The following CBLL1 variants were observed in gnomAD, a reference collection of about 807,000 sequenced individuals.
The protein encoded by CBLL1 is Cbl proto-oncogene like 1, also known as E3 ubiquitin-protein ligase Hakai.
A neutral mutation model predicts 44.9 loss-of-function variants in CBLL1; 4 were observed. That is an observed-to-expected ratio of 0.09 (90% confidence interval 0.04 to 0.20). CBLL1 has a LOEUF of 0.20. Among genes scored for constraint, CBLL1 ranks in the 10% least tolerant of loss-of-function variants. CBLL1 has a pLI of 1.00. For missense variants in CBLL1, 569 were observed against 636.7 expected, an observed-to-expected ratio of 0.89 and a Z score of 1.14; for synonymous variants, 235 against 202.2, an observed-to-expected ratio of 1.16 and a Z score of -1.38.
At chr7:107,753,593 G>A (rs1793402282) in intron 3 of CBLL1, 82 bp downstream of exon 3, 9 of 716,620 alleles carry the variant, frequency 1.3e-5, no homozygotes, top group Non-Finnish European at 1.8e-5. Flanking sequence ...TTGGAGTAAT[G>A]CACAGTACAT....
Position 107,749,013 on chromosome 7 carries a change from C to T in CBLL1, c.147C>T (p.Asn49=), listed in dbSNP as rs760522461. The change falls in exon 2 of 6, where the codon AAC becomes AAT. Residue 49 remains asparagine, a synonymous_variant. Coordinates refer to ENST00000440859, the MANE Select transcript of CBLL1 (RefSeq NM_024814.4). ...KPAPRTQRTI[N]RMPAKAPPGD... Reference sequence around the variant, plus strand: ...CACCGCGAACTCAAAGAACTATAAACAGGATGCCTGCAAAGGCTCCACCTG... The same window carrying T: ...CACCGCGAACTCAAAGAACTATAAATAGGATGCCTGCAAAGGCTCCACCTG... 3 of 1,614,146 alleles carry T rather than the reference C, an allele frequency of 1.9e-6. No individual in the cohort carries two copies. Among genetic ancestry groups the T allele is most frequent in the Admixed American group, 1.7e-5 (1 of 60,020 alleles).
At chr7:107,751,799 C>A (rs1793303132) in intron 2 of CBLL1, among the ~76,000 whole-genome samples, 1 of 152,078 alleles carries the variant, frequency 6.6e-6, no homozygotes, top group Non-Finnish European at 1.5e-5. Flanking sequence ...AGGCATCAAT[C>A]AAAATATATA....
chr7:107,759,097 A>T lies in CBLL1; in HGVS notation c.1395A>T (p.Arg465=). 1.2e-6 allele frequency: 2 copies of T among 1,614,034 alleles called. No individual in the cohort carries two copies. The highest frequency in any genetic ancestry group is 2.2e-5 in the South Asian group (2 of 91,070). The change falls in exon 6 of 6, where the codon CGA becomes CGT. Residue 465 remains arginine (R), a synonymous_variant. Transcript: ENST00000440859. Reference sequence around the variant, plus strand: ...CAAGAGGGCCACCACCACCTCCACGATTGCAGGGTCCGCCTTCTCAAACCC... The same window carrying T: ...CAAGAGGGCCACCACCACCTCCACGTTTGCAGGGTCCGCCTTCTCAAACCC... ...PAPRGPPPPP[R]LQGPPSQTPL...
chr7:107,744,274 A>G, intron 1 of CBLL1, 98 bp downstream of exon 1: 1 of 1,332,470 alleles, frequency 7.5e-7, no homozygotes, highest in Non-Finnish European at 1.0e-6. Context: ...CTCGCCCCAC[A>G]ACACTAGGGT....
chr7:107,748,348 T>G (rs1054653338), intron 1 of CBLL1, among the ~76,000 whole-genome samples: 3 of 152,242 alleles, frequency 2.0e-5, no homozygotes, highest in Non-Finnish European at 4.4e-5. Flanking sequence ...ATAATTATTT[T>G]GCGCTTAAGG....
In CBLL1 at chr7:107,758,478, A is replaced by G. The variant is rs368343198; in HGVS notation, c.776A>G (p.Asp259Gly). The G allele has an allele frequency of 1.2e-6, 2 of 1,614,000 alleles. No individual in the cohort carries two copies. The highest frequency in any genetic ancestry group is 1.7e-5 in the Admixed American group (1 of 59,988). The change falls in exon 6 of 6, where the codon GAT becomes GGT. Residue 259 changes from aspartate (D) to glycine (G), a missense_variant. By Grantham distance (94) the Asp-to-Gly change is moderately conservative. Around this residue, in one of 5 missense-constraint regions of CBLL1, gnomAD observed 111 missense variants for 113.0 expected, o/e 0.98. Coordinates refer to ENST00000440859, the MANE Select transcript of CBLL1 (RefSeq NM_024814.4). This position sits in a 1 kb window ranked among gnomAD's most constrained non-coding sequence, Gnocchi z 4.2. ...PHEHYNQPHEDIRAPPAELSM... is the reference protein window; with the variant it reads ...PHEHYNQPHEGIRAPPAELSM... ...GAGCACTATAATCAGCCACATGAGG[A>G]TATTCGTGCTCCTCCAGCAGAATTG...
chr7:107,753,820 A>G (rs569705742), intron 3 of CBLL1, 75 bp from the exon 4 acceptor site: 12 of 905,004 alleles, frequency 1.3e-5, no homozygotes, highest in Non-Finnish European at 2.0e-5. Context: ...TTTATAAAAT[A>G]TTGACCAATT....
At chr7:107,748,089 TC>T (rs1349831087) in intron 1 of CBLL1, among the ~76,000 whole-genome samples, 2 of 152,198 alleles carry the variant, frequency 1.3e-5, no homozygotes, top group Non-Finnish European at 2.9e-5. Flanking sequence ...GAAATAATAC[TC>T]CTGTTACTCA....
intron 2 of CBLL1, among the ~76,000 whole-genome samples, chr7:107,751,900 T>C (rs1347185086): frequency 6.6e-6 from 1 of 152,048 alleles, no homozygotes; most frequent in African/African-American, 2.4e-5. Context: ...AATTTTCTGG[T>C]TTGAAAAATT....
Position 107,759,296 on chromosome 7 carries a change from T to C in CBLL1, c.*118T>C. On this transcript the variant is annotated 3_prime_UTR_variant, in exon 6 of 6. Coordinates refer to ENST00000440859, the MANE Select transcript of CBLL1 (RefSeq NM_024814.4). ...TCTTATCGAGGTAGTATAAAACACA[T>C]AGGGTCTTGTTTCTTAAAATGGTTT... The C allele has an allele frequency of 1.2e-6, 1 of 830,862 alleles. No individual in the cohort carries two copies. Among genetic ancestry groups the C allele is most frequent in the Non-Finnish European group, 1.9e-6 (1 of 538,256 alleles). The allele number at this position is 830,862 out of a possible 1,614,324, so 51.5% of individuals were successfully genotyped here. A position where few individuals can be genotyped will look rare whatever the true frequency, so the allele number is the denominator to read the frequency against.
chr7:107,745,039 T>C (rs568773555), intron 1 of CBLL1, among the ~76,000 whole-genome samples: 27 of 152,294 alleles, frequency 1.8e-4, no homozygotes, highest in South Asian at 1.2e-3. Context: ...ATTAGGTGTG[T>C]ATGTTTATTT....
At chr7:107,748,308 T>G (rs1045915019) in intron 1 of CBLL1, among the ~76,000 whole-genome samples, 2 of 152,222 alleles carry the variant, frequency 1.3e-5, no homozygotes, top group Non-Finnish European at 2.9e-5. Flanking sequence ...GGTATAATGA[T>G]TTTTACTATA....
rs1208077277 is a variant in CBLL1 at position 107,744,193 on chromosome 7, A to G, written c.13+17A>G. On this transcript the variant is annotated intron_variant, in intron 1 of 5. Transcript: ENST00000440859. ...ATCACACTGGTAAGGAGGCGGAGGC[A>G]GTGGGGGTCCCGGTTCCAAGCCCCC... is the stretch of plus-strand genomic sequence containing the variant. 4 of 1,547,322 alleles carry G rather than the reference A, an allele frequency of 2.6e-6. No homozygotes were observed. Among genetic ancestry groups the G allele is most frequent in the African/African-American group, 2.7e-5 (2 of 73,088 alleles).
At position 107,760,937 on chromosome 7, in the gene CBLL1, T is replaced by G. The variant is rs1469056802; in HGVS notation, c.*1759T>G. ...TAAGTCAGGCAAGTGATTTTCTACA[T>G]TTAGCAGTTTGAAAGTCCAGTGTTA... On this transcript the variant is annotated 3_prime_UTR_variant, in exon 6 of 6. Transcript: ENST00000440859. 6.6e-6 allele frequency: 1 copy of G among 152,152 alleles called. No individual in the cohort carries two copies. The highest frequency in any genetic ancestry group is 2.4e-5 in the African/African-American group (1 of 41,416). The allele number at this position is 152,152 out of a possible 1,614,324, so 9.4% of individuals were successfully genotyped here. A position where few individuals can be genotyped will look rare whatever the true frequency, so the allele number is the denominator to read the frequency against.
chr7:107,758,897 ATGAATCATCC>A lies in CBLL1; in HGVS notation c.1197_1206del (p.Met399IlefsTer15). 6.2e-7 allele frequency: 1 copy of A among 1,613,918 alleles called. No individual in the cohort carries two copies. The highest frequency in any genetic ancestry group is 8.5e-7 in the Non-Finnish European group (1 of 1,179,944). ...TATTATTGCCCAGATGCCACCTTAT[ATGAATCATCC>A]TCCTCCAGGACCTCCCCCACCTCAA... On this transcript the variant is annotated frameshift_variant, in exon 6 of 6. Coordinates refer to ENST00000440859, the MANE Select transcript of CBLL1 (RefSeq NM_024814.4). LOFTEE classifies it high-confidence loss of function. This position sits in a 1 kb window ranked among gnomAD's most constrained non-coding sequence, Gnocchi z 4.2.
chr7:107,752,305 C>T (rs1793338687), intron 2 of CBLL1, among the ~76,000 whole-genome samples: 1 of 152,016 alleles, frequency 6.6e-6, no homozygotes, highest in Non-Finnish European at 1.5e-5. Context: ...CCTAGGAACA[C>T]TCAGGTGTAA....
intron 4 of CBLL1, 25 bp from the exon 5 acceptor site, chr7:107,755,393 A>ACAT: frequency 7.2e-7 from 1 of 1,393,850 alleles, no homozygotes; most frequent in Non-Finnish European, 9.8e-7. Flanking sequence ...TAATATGCTT[A>ACAT]ACTGTAATAT....
At chr7:107,751,243 G>A (rs926688098) in intron 2 of CBLL1, among the ~76,000 whole-genome samples, 53 of 152,106 alleles carry the variant, frequency 3.5e-4, no homozygotes, top group Non-Finnish European at 6.8e-4. Context: ...TAGGGTTTGC[G>A]TTCCTATGAG....
In CBLL1 at chr7:107,753,886, T is replaced by C; in HGVS notation, c.283-9T>C. 6.5e-7 allele frequency: 1 copy of C among 1,544,600 alleles called. No homozygotes were observed. Among genetic ancestry groups the C allele is most frequent in the South Asian group, 1.2e-5 (1 of 84,814 alleles). ...TAAGAAGGTAATTTTAATTATATCATTTCAACAGATAAACATCTTAGGTGA... is the reference window on the plus strand; with the variant it reads ...TAAGAAGGTAATTTTAATTATATCACTTCAACAGATAAACATCTTAGGTGA... On this transcript the variant is annotated splice_polypyrimidine_tract_variant and intron_variant, in intron 3 of 5. Transcript: ENST00000440859.
Sources: gnomAD v4.1 joint callset for allele counts (sites outside exome capture counted in the v4.1 genomes callset) on GRCh38, gnomAD v4.1.1 for gene constraint, gnomAD v4.1.1 regional missense constraint, Gnocchi (gnomAD v3.1) non-coding constraint, MANE v1.5 for transcripts, NCBI Gene and HGNC (gene_info 2026-07-23, HGNC 2026-07-21) for gene names.